LRRC1: variants seen among roughly 807,000 people sequenced by gnomAD.
The protein encoded by LRRC1 is leucine rich repeat containing 1.
Under a neutral mutation model 69.9 loss-of-function variants are expected in LRRC1, and 28 were observed. The observed-to-expected ratio is 0.40, with a 90% CI of 0.30 to 0.55. The LOEUF (loss-of-function observed/expected upper bound fraction) is 0.55. Ranked by LOEUF, LRRC1 falls within the 20% of genes least tolerant of loss-of-function variation. The pLI is 0.47. For synonymous variants in LRRC1, 236 were observed against 240.2 expected (o/e 0.98, Z 0.16); for missense variants, 498 against 609.0 (o/e 0.82, Z 1.92).
chr6:53,840,886 G>T (rs929055629), intron 1 of LRRC1, among the ~76,000 whole-genome samples: 1 of 53,930 alleles, frequency 1.9e-5, no homozygotes, highest in Non-Finnish European at 3.7e-5. Flanking sequence ...GTATGTGTTT[G>T]TGTGTGTGTG....
At chr6:53,833,426 C>A (rs747787914) in intron 1 of LRRC1, among the ~76,000 whole-genome samples, 25 of 152,136 alleles carry the variant, frequency 1.6e-4, no homozygotes. Flanking sequence ...TGCATGAAAG[C>A]ACCTTGGAAA....
intron 1 of LRRC1, among the ~76,000 whole-genome samples, chr6:53,815,954 C>T (rs1211189557): frequency 1.3e-5 from 2 of 152,184 alleles, no homozygotes; most frequent in African/African-American, 4.8e-5. Flanking sequence ...GTAGGTTTAA[C>T]GAGTACCCAA....
At chr6:53,877,950 A>T (rs1423416886) in intron 2 of LRRC1, among the ~76,000 whole-genome samples, 1 of 152,154 alleles carries the variant, frequency 6.6e-6, no homozygotes. Flanking sequence ...GTCTGTTTTC[A>T]TGCTGCTGAT....
chr6:53,824,578 A>G (rs986312539), intron 1 of LRRC1, among the ~76,000 whole-genome samples: 8 of 152,168 alleles, frequency 5.3e-5, no homozygotes, highest in African/African-American at 1.7e-4. Context: ...TGTGTCCACA[A>G]TGGTATTGCC....
chr6:53,917,768 G>T (rs1489680932), intron 11 of LRRC1, among the ~76,000 whole-genome samples: 1 of 152,136 alleles, frequency 6.6e-6, no homozygotes, highest in African/African-American at 2.4e-5. Context: ...AAAGATGTAG[G>T]AGAAAAATTT....
intron 4 of LRRC1, chr6:53,883,992 G>A: frequency 1.4e-6 from 1 of 717,938 alleles, no homozygotes; most frequent in Non-Finnish European, 2.6e-6. Flanking sequence ...CAGCAAGTTG[G>A]TGTTTTTCTG....
chr6:53,893,824 T>G (rs188450401), intron 4 of LRRC1, among the ~76,000 whole-genome samples: 1 of 152,194 alleles, frequency 6.6e-6, no homozygotes, highest in Admixed American at 6.5e-5. Flanking sequence ...TAGCCAGAAC[T>G]TTTTTACTTA....
chr6:53,831,345 C>G (rs4618525), intron 1 of LRRC1, among the ~76,000 whole-genome samples: 36,435 of 151,958 alleles, frequency 0.24, 4,547 homozygotes, highest in East Asian at 0.26. Context: ...ATGTATGCAT[C>G]TGATATTTGG....
intron 2 of LRRC1, among the ~76,000 whole-genome samples, chr6:53,853,279 CAT>C (rs1491106644): frequency 1.5e-5 from 2 of 133,188 alleles, no homozygotes; most frequent in East Asian, 2.4e-4. Context: ...ACAGGTGGTT[CAT>C]ATTTTTTTTT....
At chr6:53,799,695 C>T (rs78445971) in intron 1 of LRRC1, among the ~76,000 whole-genome samples, 28,433 of 152,148 alleles carry the variant, frequency 0.19, 2,919 homozygotes, top group Middle Eastern at 0.33. Context: ...AGGGAATATC[C>T]ATCTCCACTT....
intron 3 of LRRC1, 151 bp downstream of exon 3, chr6:53,879,222 A>G: frequency 1.6e-6 from 1 of 609,290 alleles, no homozygotes; most frequent in South Asian, 1.9e-5. Flanking sequence ...ATATTTCTTT[A>G]TAAATAGCCC....
At chr6:53,886,271 A>G (rs1409456370) in intron 4 of LRRC1, among the ~76,000 whole-genome samples, 8 of 152,200 alleles carry the variant, frequency 5.3e-5, no homozygotes, top group Admixed American at 5.2e-4. Flanking sequence ...TTACTGTGGC[A>G]TATTTCTGAT....
intron 10 of LRRC1, chr6:53,905,333 CAAAAAAAAAAA>C (rs748526111): frequency 1.4e-5 from 1 of 71,268 alleles, no homozygotes; most frequent in African/African-American, 5.0e-5. Flanking sequence ...GACTCTATCT[CAAAAAAAAAAA>C]AAAAAAAAAA....
chr6:53,816,521 T>A (rs1020899370), intron 1 of LRRC1, among the ~76,000 whole-genome samples: 1 of 152,116 alleles, frequency 6.6e-6, no homozygotes, highest in Admixed American at 6.6e-5. Flanking sequence ...GCCAAGTGAC[T>A]ATAGAAATCA....
intron 2 of LRRC1, among the ~76,000 whole-genome samples, chr6:53,845,212 AAAAG>A (rs1293168867): frequency 6.6e-6 from 1 of 152,296 alleles, no homozygotes; most frequent in African/African-American, 2.4e-5. Flanking sequence ...TCAAACAAAC[AAAAG>A]AAAGAACGAA....
At chr6:53,897,485 GGC>G in intron 7 of LRRC1, 126 bp downstream of exon 7, 1 of 627,110 alleles carries the variant, frequency 1.6e-6, no homozygotes, top group Admixed American at 3.3e-5. Context: ...TGATTGAAAA[GGC>G]ACATTTGGAA....
chr6:53,876,350 A>T (rs968289378), intron 2 of LRRC1, among the ~76,000 whole-genome samples: 3 of 152,142 alleles, frequency 2.0e-5, no homozygotes, highest in Non-Finnish European at 4.4e-5. Flanking sequence ...TGAGATTTGG[A>T]TGGGGACACA....
At chr6:53,871,722 C>T (rs1450920877) in intron 2 of LRRC1, among the ~76,000 whole-genome samples, 2 of 152,106 alleles carry the variant, frequency 1.3e-5, no homozygotes, top group Non-Finnish European at 2.9e-5. Flanking sequence ...GGCTTGGGTG[C>T]AGTATCGTGA....
At chr6:53,797,929 C>T (rs144425979) in intron 1 of LRRC1, among the ~76,000 whole-genome samples, 21 of 152,326 alleles carry the variant, frequency 1.4e-4, no homozygotes, top group African/African-American at 5.1e-4. Context: ...AATCTTCTAT[C>T]CTGCTTCTCA....
Sources: allele counts gnomAD v4.1 joint callset (sites outside exome capture counted in the v4.1 genomes callset), GRCh38; gene constraint gnomAD v4.1.1; transcripts MANE v1.5; gene names NCBI Gene and HGNC (gene_info 2026-07-23, HGNC 2026-07-21).